Variants in TNNI3K observed in about 807,000 individuals in gnomAD.
TNNI3K encodes the protein serine/threonine-protein kinase TNNI3K.
In TNNI3K, 140 loss-of-function variants were observed where a neutral mutation model predicts 114.5. The observed-to-expected ratio is 1.22, with a 90% CI of 1.07 to 1.41. TNNI3K has a LOEUF of 1.41. TNNI3K is among the 40% of genes most tolerant of loss of function. The pLI is 0.00. For synonymous variants in TNNI3K, 347 were observed against 347.5 expected, an observed-to-expected ratio of 1.00 and a Z score of 0.02; for missense variants, 1,125 against 1,007.6, an observed-to-expected ratio of 1.12 and a Z score of -1.58.
chr1:74,257,732 G>C (rs550753874), intron 4 of TNNI3K, among the ~76,000 whole-genome samples: 1 of 142,904 alleles, frequency 7.0e-6, no homozygotes, highest in East Asian at 2.1e-4. Flanking sequence ...GCAGTGGTGC[G>C]ATCTTGGCTC....
chr1:74,311,069 G>A (rs1465405445), intron 5 of TNNI3K, among the ~76,000 whole-genome samples: 1 of 152,072 alleles, frequency 6.6e-6, no homozygotes, highest in Admixed American at 6.6e-5. Flanking sequence ...TTGTAAATCA[G>A]CTTGTTGTTG....
intron 9 of TNNI3K, among the ~76,000 whole-genome samples, chr1:74,351,288 A>G (rs1278313626): frequency 6.6e-6 from 1 of 151,274 alleles, no homozygotes; most frequent in East Asian, 1.9e-4. Context: ...AATGTTGAAT[A>G]TTGGCCCCCA....
rs1454843033 is a variant in TNNI3K, at chr1:74,369,077, G to C, written c.1377G>C (p.Gln459His). 1 of 1,610,254 alleles carries C rather than the reference G, an allele frequency of 6.2e-7. No individual in the cohort carries two copies. Among genetic ancestry groups the C allele is most frequent in the Non-Finnish European group, 8.5e-7 (1 of 1,178,334 alleles). Residue 459 changes from glutamine (Q) to histidine (H), a missense_variant, in exon 14 of 25, where the codon CAG (glutamine) becomes CAC (histidine). Coordinates refer to ENST00000326637, the MANE Select transcript of TNNI3K (RefSeq NM_015978.3). Reference protein sequence around the residue: ...RAGLPSHFHLQLSEIEFHEII... With the variant: ...RAGLPSHFHLHLSEIEFHEII... ...GATTGCCTTCACATTTCCATCTTCA[G>C]CTCTCAGAAATTGAGTTCCATGAGA...
At chr1:74,527,546 C>T (rs1377601031) in intron 23 of TNNI3K, among the ~76,000 whole-genome samples, 1 of 152,106 alleles carries the variant, frequency 6.6e-6, no homozygotes. Flanking sequence ...AACCAGAAAG[C>T]CACTATGGTG....
intron 5 of TNNI3K, among the ~76,000 whole-genome samples, chr1:74,307,119 C>A (rs1330147895): frequency 6.6e-6 from 1 of 152,080 alleles, no homozygotes; most frequent in Non-Finnish European, 1.5e-5. Flanking sequence ...TTAGGATGTC[C>A]TTTCTCCATT....
At chr1:74,373,328 A>C (rs910359695) in intron 17 of TNNI3K, 1 of 151,926 alleles carries the variant, frequency 6.6e-6, no homozygotes, top group Non-Finnish European at 1.5e-5. Flanking sequence ...ACAGGCATTA[A>C]TCTTTTCTCA....
intron 20 of TNNI3K, 103 bp from the exon 21 acceptor site, chr1:74,463,338 T>G (rs1667528691): frequency 8.1e-7 from 1 of 1,231,874 alleles, no homozygotes; most frequent in Non-Finnish European, 1.2e-6. Context: ...CTGCTGATGT[T>G]GCTCAGATTG....
intron 5 of TNNI3K, among the ~76,000 whole-genome samples, chr1:74,309,057 G>A (rs1053658061): frequency 2.5e-4 from 38 of 152,114 alleles, no homozygotes; most frequent in Middle Eastern, 3.2e-3. Flanking sequence ...ATTCACAGCT[G>A]AATTCTTCCA....
chr1:74,306,863 G>T (rs1658674237), intron 5 of TNNI3K, among the ~76,000 whole-genome samples: 2 of 152,000 alleles, frequency 1.3e-5, no homozygotes, highest in South Asian at 4.1e-4. Context: ...TCTTTAGTTT[G>T]ATTAAGTCCC....
chr1:74,342,552 T>C (rs983449341), intron 7 of TNNI3K, among the ~76,000 whole-genome samples: 2 of 152,196 alleles, frequency 1.3e-5, no homozygotes, highest in African/African-American at 4.8e-5. Flanking sequence ...GTGTACCTTT[T>C]GGATGCTATT....
chr1:74,539,027 C>T (rs192248932), intron 23 of TNNI3K, among the ~76,000 whole-genome samples: 3 of 151,776 alleles, frequency 2.0e-5, no homozygotes, highest in African/African-American at 7.3e-5. Context: ...AAAAGATCAC[C>T]CTAGATAATA....
chr1:74,291,160 C>G (rs1657654730), intron 5 of TNNI3K, among the ~76,000 whole-genome samples: 1 of 151,568 alleles, frequency 6.6e-6, no homozygotes, highest in Admixed American at 6.6e-5. Flanking sequence ...TAATCCCTCT[C>G]TCTCTATGGT....
At chr1:74,254,711 G>A (rs533307) in intron 4 of TNNI3K, among the ~76,000 whole-genome samples, 91,478 of 152,014 alleles carry the variant, frequency 0.6, 30,729 homozygotes, top group East Asian at 0.82. Flanking sequence ...CCAGGCCTCA[G>A]GAGAGGGTTC....
At chr1:74,262,005 T>C (rs928787472) in intron 4 of TNNI3K, among the ~76,000 whole-genome samples, 6 of 152,124 alleles carry the variant, frequency 3.9e-5, no homozygotes, top group Non-Finnish European at 8.8e-5. Context: ...CTCTGACTTT[T>C]CTATCAGTGG....
At position 74,544,225 on chromosome 1, in the gene TNNI3K, A is replaced by G. The variant is rs201172469; in HGVS notation, c.*243A>G. On this transcript the variant is annotated 3_prime_UTR_variant, in exon 25 of 25. Transcript: ENST00000326637. ...AGAATTGTTTTTAATTTTGTAAATT[A>G]AAAAAAAATTTAGATCGTTACTTGG... The G allele has an allele frequency of 5.0e-4, 194 of 388,338 alleles. 3 individuals carry two copies. In the East Asian group the frequency reaches 9.3e-3, roughly 19 times the overall value. 24.1% of individuals were successfully genotyped at this position (388,338 alleles called of 1,614,324 possible). A position where few individuals can be genotyped will look rare whatever the true frequency, so the allele number is the denominator to read the frequency against.
intron 4 of TNNI3K, among the ~76,000 whole-genome samples, chr1:74,268,099 C>A (rs771961258): frequency 6.6e-6 from 1 of 151,894 alleles, no homozygotes; most frequent in Non-Finnish European, 1.5e-5. Flanking sequence ...AATATGTAAA[C>A]AATTTGTCAG....
chr1:74,410,339 C>T (rs3863717), intron 17 of TNNI3K, among the ~76,000 whole-genome samples: 83 of 152,220 alleles, frequency 5.5e-4, no homozygotes, highest in Non-Finnish European at 1.1e-3. Context: ...TCCAAAATCA[C>T]GCAACTAGTT....
In TNNI3K at chr1:74,534,315, G is replaced by C. The variant is rs148301304; in HGVS notation, c.2352-5919G>C. Among the ~76,000 whole-genome samples the C allele has an allele frequency of 1.7e-3, 264 of 152,232 alleles. 1 individual carries two copies. The highest frequency in any genetic ancestry group is 6.1e-3 in the African/African-American group (252 of 41,544). On this transcript the variant is annotated intron_variant, in intron 23 of 24. Coordinates refer to ENST00000326637, the MANE Select transcript of TNNI3K (RefSeq NM_015978.3). ...GCAAAAGCCACGCTCAGAAGAATGTGATTTTAAAAAAATGATTCCTTTTGG... is the reference window on the plus strand; with the variant it reads ...GCAAAAGCCACGCTCAGAAGAATGTCATTTTAAAAAAATGATTCCTTTTGG...
intron 22 of TNNI3K, 51 bp downstream of exon 22, chr1:74,489,299 A>C: frequency 2.5e-6 from 4 of 1,575,664 alleles, no homozygotes; most frequent in Non-Finnish European, 3.5e-6. Context: ...CTGCATATCC[A>C]AGGCTGTCAG....
Sources: allele counts gnomAD v4.1 joint callset (sites outside exome capture counted in the v4.1 genomes callset), GRCh38; gene constraint gnomAD v4.1.1; transcripts MANE v1.5; gene names NCBI Gene and HGNC (gene_info 2026-07-23, HGNC 2026-07-21).